The following WDR49 variants were observed in gnomAD, a reference collection of about 807,000 sequenced individuals.
WDR49 encodes cilia- and flagella-associated protein 337.
In WDR49, 107 loss-of-function variants were observed where a neutral mutation model predicts 119.5. That is an observed-to-expected ratio of 0.90 (90% confidence interval 0.77 to 1.05). The LOEUF is 1.05. WDR49 is among the 50% of genes least tolerant of loss of function. WDR49 has a pLI of 0.00. For missense variants in WDR49, 1,240 were observed against 1,220.5 expected, an observed-to-expected ratio of 1.02 and a Z score of -0.24; for synonymous variants, 425 against 418.8, an observed-to-expected ratio of 1.01 and a Z score of -0.18.
At chr3:167,534,936 G>A (rs1056160353) in intron 11 of WDR49, among the ~76,000 whole-genome samples, 4 of 152,130 alleles carry the variant, frequency 2.6e-5, no homozygotes, top group Non-Finnish European at 5.9e-5. Context: ...CGTGTGATTC[G>A]TACCTGACAG....
At position 167,570,765 on chromosome 3, in the gene WDR49, C is replaced by A. The variant is rs143245317; in HGVS notation, c.1509+5153G>T. 1.8e-3 allele frequency among the ~76,000 whole-genome samples: 271 copies of A among 152,282 alleles called. 1 individual carries two copies. The highest frequency in any genetic ancestry group is 6.1e-3 in the African/African-American group (254 of 41,560). ...AATTAAATGATGATAAGGCCGGATG[C>A]AGTGGCTCACGCCTGCAATCCCAGC... On this transcript the variant is annotated intron_variant, in intron 8 of 18. Transcript: ENST00000682715.
intron 9 of WDR49, among the ~76,000 whole-genome samples, chr3:167,556,743 AG>A (rs1184179586): frequency 6.6e-6 from 1 of 151,958 alleles, no homozygotes; most frequent in Non-Finnish European, 1.5e-5. Context: ...AAAATTAGGC[AG>A]GGCCGGATTC....
chr3:167,505,016 T>A (rs947608171), intron 17 of WDR49, among the ~76,000 whole-genome samples: 2 of 152,240 alleles, frequency 1.3e-5, no homozygotes, highest in Admixed American at 6.5e-5. Flanking sequence ...TAAACCTTTT[T>A]CTTTTTAAAT....
At chr3:167,651,560 C>T (rs1194683761) in intron 2 of WDR49, among the ~76,000 whole-genome samples, 1 of 151,698 alleles carries the variant, frequency 6.6e-6, no homozygotes, top group Non-Finnish European at 1.5e-5. Flanking sequence ...ATTCCATTCT[C>T]TGGCTGTTGA....
In WDR49 at chr3:167,595,001, A is replaced by T. The variant is rs570561363; in HGVS notation, c.1275+7126T>A. ...CTCAGCCCAAAATCTCCTTAAGCTG[A>T]TAAGCAACTTCAGCAAAGTCTCAGG... On this transcript the variant is annotated intron_variant, in intron 7 of 18. Coordinates refer to ENST00000682715, the MANE Select transcript of WDR49 (RefSeq NM_001366157.1). 3.3e-5 allele frequency among the ~76,000 whole-genome samples: 5 copies of T among 150,400 alleles called. No homozygotes were observed. In the East Asian group the frequency reaches 9.7e-4, roughly 29 times the overall value.
intron 2 of WDR49, among the ~76,000 whole-genome samples, chr3:167,649,901 G>A (rs900924168): frequency 3.3e-5 from 5 of 152,172 alleles, no homozygotes; most frequent in African/African-American, 1.2e-4. Context: ...CAGAACAGGT[G>A]TGCCAGGAGA....
intron 7 of WDR49, among the ~76,000 whole-genome samples, chr3:167,585,391 C>CGCGT (rs1714754391): frequency 7.3e-6 from 1 of 137,390 alleles, no homozygotes; most frequent in Non-Finnish European, 1.6e-5. Flanking sequence ...TAAAAGGGTG[C>CGCGT]GTGTGTGTGT....
chr3:167,505,235 A>G (rs1361608043), intron 17 of WDR49, 72 bp downstream of exon 17: 6 of 1,311,742 alleles, frequency 4.6e-6, no homozygotes, highest in Non-Finnish European at 5.8e-6. Context: ...TGACACACAG[A>G]GTAGACATTT....
chr3:167,559,940 C>G, intron 9 of WDR49, 124 bp downstream of exon 9: 1 of 983,368 alleles, frequency 1.0e-6, no homozygotes, highest in Non-Finnish European at 1.5e-6. Flanking sequence ...TCACTCTTAC[C>G]ATGTCTCATT....
intron 10 of WDR49, among the ~76,000 whole-genome samples, chr3:167,551,432 A>C (rs1712564909): frequency 6.6e-6 from 1 of 152,040 alleles, no homozygotes; most frequent in Admixed American, 6.6e-5. Context: ...CTGATTCATT[A>C]GCTTCAATTA....
chr3:167,651,437 C>A (rs1324031056), intron 2 of WDR49, among the ~76,000 whole-genome samples: 1 of 152,118 alleles, frequency 6.6e-6, no homozygotes, highest in Non-Finnish European at 1.5e-5. Flanking sequence ...GGACTGGATA[C>A]CATTAAAGTC....
chr3:167,630,997 A>G (rs1717344872), intron 2 of WDR49, among the ~76,000 whole-genome samples: 1 of 152,040 alleles, frequency 6.6e-6, no homozygotes, highest in Admixed American at 6.6e-5. Flanking sequence ...GGGCCATTTT[A>G]AACAGCGAAA....
intron 8 of WDR49, among the ~76,000 whole-genome samples, chr3:167,573,569 G>T (rs1279265673): frequency 6.6e-6 from 1 of 152,032 alleles, no homozygotes; most frequent in African/African-American, 2.4e-5. Context: ...CACACATCAT[G>T]CAGCCTCTAG....
At chr3:167,648,756 C>G (rs1718239948) in intron 2 of WDR49, among the ~76,000 whole-genome samples, 1 of 152,134 alleles carries the variant, frequency 6.6e-6, no homozygotes, top group Non-Finnish European at 1.5e-5. Context: ...TCCACTGCTA[C>G]CAGCTGATGT....
intron 5 of WDR49, among the ~76,000 whole-genome samples, chr3:167,608,698 T>C (rs1716182117): frequency 6.6e-6 from 1 of 152,200 alleles, no homozygotes; most frequent in South Asian, 2.1e-4. Context: ...AAGGAAATGA[T>C]AGGTTATGAT....
chr3:167,628,694 T>C (rs1241647144), intron 2 of WDR49, among the ~76,000 whole-genome samples: 2 of 152,142 alleles, frequency 1.3e-5, no homozygotes, highest in East Asian at 1.9e-4. Flanking sequence ...ACTGCTGATG[T>C]GGAAGCTGCA....
At chr3:167,526,399 C>T (rs777739164) in intron 15 of WDR49, among the ~76,000 whole-genome samples, 1 of 152,102 alleles carries the variant, frequency 6.6e-6, no homozygotes, top group Non-Finnish European at 1.5e-5. Flanking sequence ...CACTTGATGA[C>T]GTTTCGTTTC....
intron 8 of WDR49, among the ~76,000 whole-genome samples, chr3:167,567,256 CT>C (rs1166663035): frequency 6.6e-6 from 1 of 152,192 alleles, no homozygotes; most frequent in Non-Finnish European, 1.5e-5. Flanking sequence ...TCTTCTATGT[CT>C]TCTTTCTCAG....
intron 10 of WDR49, among the ~76,000 whole-genome samples, chr3:167,550,433 G>A: frequency 6.6e-6 from 1 of 151,968 alleles, no homozygotes. Context: ...TGGATTCCTA[G>A]GTATTTTATT....
Sources: allele counts gnomAD v4.1 joint callset (sites outside exome capture counted in the v4.1 genomes callset), GRCh38; gene constraint gnomAD v4.1.1; transcripts MANE v1.5; gene names NCBI Gene and HGNC (gene_info 2026-07-23, HGNC 2026-07-21).